The following LRMDA variants were observed in gnomAD, a reference collection of about 807,000 sequenced individuals.
LRMDA encodes the protein leucine rich melanocyte differentiation associated.
Under a neutral mutation model 29.8 loss-of-function variants are expected in LRMDA, and 18 were observed. That is an observed-to-expected ratio of 0.60 (90% CI 0.42 to 0.90). The LOEUF is 0.90. Ranked by LOEUF, LRMDA falls within the 40% of genes least tolerant of loss-of-function variation. LRMDA has a pLI of 0.00. For missense variants in LRMDA, 273 were observed against 273.9 expected, an observed-to-expected ratio of 1.00 and a Z score of 0.02; for synonymous variants, 125 against 109.4, an observed-to-expected ratio of 1.14 and a Z score of -0.89.
At chr10:75,613,801 A>G (rs1441858792) in intron 2 of LRMDA, among the ~76,000 whole-genome samples, 1 of 152,212 alleles carries the variant, frequency 6.6e-6, no homozygotes, top group African/African-American at 2.4e-5. Flanking sequence ...AGAAGGGAAG[A>G]TAAATTTTGT....
chr10:75,873,538 GCAATGTTTTTGTGGTAA>G (rs1432775663), intron 2 of LRMDA, among the ~76,000 whole-genome samples: 1 of 152,136 alleles, frequency 6.6e-6, no homozygotes, highest in Non-Finnish European at 1.5e-5. Context: ...TCAATTCATG[GCAATGTTTTTGTGGTAA>G]ACCTGAGGTA....
intron 6 of LRMDA, among the ~76,000 whole-genome samples, chr10:76,411,777 C>T (rs1352284678): frequency 6.6e-6 from 1 of 152,216 alleles, no homozygotes; most frequent in Non-Finnish European, 1.5e-5. Flanking sequence ...GAACTCAGCA[C>T]CAGGCTGGGA....
intron 2 of LRMDA, among the ~76,000 whole-genome samples, chr10:75,765,558 T>G (rs1843152108): frequency 6.6e-6 from 1 of 152,068 alleles, no homozygotes; most frequent in African/African-American, 2.4e-5. Flanking sequence ...TGGTTTTGAA[T>G]TTTTTCTAAG....
At chr10:76,403,464 A>G (rs534250602) in intron 6 of LRMDA, 1 of 152,114 alleles carries the variant, frequency 6.6e-6, no homozygotes, top group African/African-American at 2.4e-5. Flanking sequence ...CTATATGTAG[A>G]TGCTAACCCA....
chr10:76,380,577 G>A (rs900896168), intron 6 of LRMDA, among the ~76,000 whole-genome samples: 4 of 151,238 alleles, frequency 2.6e-5, no homozygotes, highest in African/African-American at 7.3e-5. Context: ...GCTGAGGCAG[G>A]AGAATGGTGT....
intron 2 of LRMDA, among the ~76,000 whole-genome samples, chr10:75,676,966 C>A (rs1317611202): frequency 1.3e-5 from 2 of 152,022 alleles, no homozygotes; most frequent in East Asian, 3.9e-4. Context: ...CCAGGTCTAC[C>A]CTTACTAATA....
intron 2 of LRMDA, among the ~76,000 whole-genome samples, chr10:75,456,239 G>A (rs984443105): frequency 2.6e-5 from 4 of 152,186 alleles, no homozygotes; most frequent in Admixed American, 6.5e-5. Flanking sequence ...ACACATATAC[G>A]CGGCAATTAC....
chr10:76,036,268 A>AT (rs1848243982), intron 3 of LRMDA, 134 bp downstream of exon 3: 1 of 924,620 alleles, frequency 1.1e-6, no homozygotes, highest in Non-Finnish European at 1.6e-6. Context: ...TGTGAAATAC[A>AT]GTTCGTGGGC....
chr10:75,765,245 T>G (rs1564562360), intron 2 of LRMDA, among the ~76,000 whole-genome samples: 3 of 151,908 alleles, frequency 2.0e-5, no homozygotes, highest in Non-Finnish European at 4.4e-5. Flanking sequence ...ACCTCTGAGA[T>G]GAGCCAATCC....
intron 2 of LRMDA, among the ~76,000 whole-genome samples, chr10:75,959,556 C>G (rs941971153): frequency 2.6e-5 from 4 of 151,966 alleles, no homozygotes; most frequent in African/African-American, 9.7e-5. Flanking sequence ...TATATAATAA[C>G]TTCAAGGGGG....
At chr10:76,506,396 A>G (rs983512298) in intron 6 of LRMDA, among the ~76,000 whole-genome samples, 8 of 152,150 alleles carry the variant, frequency 5.3e-5, no homozygotes, top group African/African-American at 1.9e-4. Flanking sequence ...CACCAGCTCC[A>G]TTCATAGCTG....
At chr10:76,081,972 C>G (rs11001610) in intron 5 of LRMDA, among the ~76,000 whole-genome samples, 3,935 of 152,212 alleles carry the variant, frequency 0.026, 123 homozygotes, top group African/African-American at 0.069. Flanking sequence ...AACCAAGTAG[C>G]TTGGGTAGGA....
chr10:76,055,029 T>C (rs1397711326), intron 4 of LRMDA, among the ~76,000 whole-genome samples: 1 of 117,864 alleles, frequency 8.5e-6, no homozygotes, highest in Non-Finnish European at 1.6e-5. Flanking sequence ...ATGCCACTGC[T>C]CTCCAACCTG....
At chr10:76,020,865 C>T (rs1408131335) in intron 2 of LRMDA, among the ~76,000 whole-genome samples, 1 of 152,220 alleles carries the variant, frequency 6.6e-6, no homozygotes, top group Non-Finnish European at 1.5e-5. Context: ...TGTGTTTTTC[C>T]ATGCCTTCCT....
chr10:75,471,424 A>G (rs1175587375), intron 2 of LRMDA, among the ~76,000 whole-genome samples: 1 of 152,064 alleles, frequency 6.6e-6, no homozygotes, highest in East Asian at 1.9e-4. Flanking sequence ...AACTTTTAGC[A>G]ACCCTAAGGG....
chr10:75,759,943 T>A (rs1843075258), intron 2 of LRMDA, among the ~76,000 whole-genome samples: 1 of 152,214 alleles, frequency 6.6e-6, no homozygotes, highest in East Asian at 1.9e-4. Context: ...ACATGCTTTG[T>A]ACCATTAATC....
chr10:76,286,285 G>A (rs2132340861), intron 5 of LRMDA, among the ~76,000 whole-genome samples: 1 of 152,178 alleles, frequency 6.6e-6, no homozygotes, highest in East Asian at 1.9e-4. Flanking sequence ...ATGCATTAAA[G>A]GGCTGTAAGG....
At chr10:76,415,812 C>T (rs376889613) in intron 6 of LRMDA, among the ~76,000 whole-genome samples, 45 of 152,292 alleles carry the variant, frequency 3.0e-4, no homozygotes, top group African/African-American at 9.4e-4. Flanking sequence ...TGTTCCTGTG[C>T]GCACGAGATG....
intron 2 of LRMDA, among the ~76,000 whole-genome samples, chr10:75,920,338 C>G (rs1324780102): frequency 1.3e-5 from 2 of 152,098 alleles, no homozygotes; most frequent in African/African-American, 2.4e-5. Context: ...AGTGCTTTTT[C>G]TCTATGAGCA....
Sources: gnomAD v4.1 joint callset for allele counts (sites outside exome capture counted in the v4.1 genomes callset) on GRCh38, gnomAD v4.1.1 for gene constraint, MANE v1.5 for transcripts, NCBI Gene and HGNC (gene_info 2026-07-23, HGNC 2026-07-21) for gene names.